CTNND2: variants seen among roughly 807,000 people sequenced by gnomAD.
CTNND2 encodes the protein catenin delta-2.
In CTNND2, 22 loss-of-function variants were observed where a neutral mutation model predicts 144.4. The ratio of observed to expected loss-of-function variants is 0.15; its 90% CI spans 0.11 to 0.22. The LOEUF is 0.22. CTNND2 is among the 10% of genes least tolerant of loss of function. CTNND2 has a pLI of 1.00. For missense variants in CTNND2, 1,353 were observed against 1,618.8 expected (o/e 0.84, Z 2.82); for synonymous variants, 751 against 695.6 (o/e 1.08, Z -1.25).
chr5:11,669,631 T>C (rs921027444), intron 2 of CTNND2, among the ~76,000 whole-genome samples: 105 of 152,154 alleles, frequency 6.9e-4, no homozygotes, highest in African/African-American at 2.5e-3. Context: ...TCATTTTTTA[T>C]TGTGTCTATT....
chr5:11,627,651 A>C (rs1251426693), intron 2 of CTNND2, among the ~76,000 whole-genome samples: 1 of 151,952 alleles, frequency 6.6e-6, no homozygotes, highest in Non-Finnish European at 1.5e-5. Context: ...CAACCTTTTC[A>C]GCACCAGGGA....
At chr5:11,329,426 A>T (rs1752858071) in intron 9 of CTNND2, among the ~76,000 whole-genome samples, 1 of 152,202 alleles carries the variant, frequency 6.6e-6, no homozygotes, top group Non-Finnish European at 1.5e-5. Flanking sequence ...AAGTGCTGGG[A>T]TTATAGGTGG....
intron 3 of CTNND2, among the ~76,000 whole-genome samples, chr5:11,524,644 C>T (rs571134815): frequency 3.7e-4 from 56 of 152,248 alleles, no homozygotes; most frequent in South Asian, 1.7e-3. Flanking sequence ...TGTCTGTTCC[C>T]CTCCAGGAGT....
intron 3 of CTNND2, among the ~76,000 whole-genome samples, chr5:11,551,104 C>T (rs1581474419): frequency 6.6e-6 from 1 of 152,152 alleles, no homozygotes; most frequent in East Asian, 1.9e-4. Context: ...CACTCTATTG[C>T]CTACTCAGCA....
At chr5:11,307,529 T>C (rs1750371865) in intron 9 of CTNND2, among the ~76,000 whole-genome samples, 1 of 152,162 alleles carries the variant, frequency 6.6e-6, no homozygotes, top group Non-Finnish European at 1.5e-5. Context: ...GCCTATATTT[T>C]AAAATAACCT....
At chr5:11,374,810 A>G (rs1581047475) in intron 7 of CTNND2, among the ~76,000 whole-genome samples, 1 of 119,094 alleles carries the variant, frequency 8.4e-6, no homozygotes, top group South Asian at 2.7e-4. Flanking sequence ...TTTTTGTTAC[A>G]TCAAGATGCA....
At chr5:11,733,621 CTTAG>C (rs1395348429) in intron 1 of CTNND2, among the ~76,000 whole-genome samples, 1 of 152,136 alleles carries the variant, frequency 6.6e-6, no homozygotes, top group African/African-American at 2.4e-5. Context: ...ACATAAGAAG[CTTAG>C]TTAGTATTGT....
chr5:11,886,021 C>CA (rs980077805), intron 1 of CTNND2, among the ~76,000 whole-genome samples: 2 of 151,644 alleles, frequency 1.3e-5, no homozygotes, highest in African/African-American at 2.4e-5. Context: ...CTATGGAATA[C>CA]AAAAAAGCAG....
chr5:11,812,276 T>C (rs1374533784), intron 1 of CTNND2, among the ~76,000 whole-genome samples: 1 of 152,222 alleles, frequency 6.6e-6, no homozygotes, highest in East Asian at 1.9e-4. Flanking sequence ...ATTTTTAATC[T>C]TAAGATGAAT....
intron 2 of CTNND2, among the ~76,000 whole-genome samples, chr5:11,714,578 T>C (rs1231548852): frequency 6.6e-6 from 1 of 152,150 alleles, no homozygotes. Context: ...CATTTTAACT[T>C]GAGGATGATA....
intron 2 of CTNND2, among the ~76,000 whole-genome samples, chr5:11,663,414 A>G (rs1478049754): frequency 6.6e-6 from 1 of 152,196 alleles, no homozygotes; most frequent in South Asian, 2.1e-4. Flanking sequence ...ATAGAGTTAT[A>G]TAACTATTAA....
At chr5:11,562,817 T>C (rs781190735) in intron 3 of CTNND2, among the ~76,000 whole-genome samples, 7 of 152,312 alleles carry the variant, frequency 4.6e-5, no homozygotes, top group Middle Eastern at 3.4e-3. Flanking sequence ...TCAAATCAAA[T>C]GAGGAAAGAG....
intron 2 of CTNND2, among the ~76,000 whole-genome samples, chr5:11,684,504 A>G (rs999460298): frequency 2.0e-5 from 3 of 152,250 alleles, no homozygotes; most frequent in African/African-American, 4.8e-5. Context: ...AAATTAGGGT[A>G]GAACATTCAA....
chr5:11,325,504 A>T (rs1413540294), intron 9 of CTNND2, among the ~76,000 whole-genome samples: 2 of 152,184 alleles, frequency 1.3e-5, no homozygotes, highest in African/African-American at 4.8e-5. Flanking sequence ...TCTCTTAATG[A>T]GTGGAGACAG....
chr5:11,110,454 C>T (rs1580313855), intron 14 of CTNND2, among the ~76,000 whole-genome samples: 1 of 152,188 alleles, frequency 6.6e-6, no homozygotes, highest in East Asian at 1.9e-4. Context: ...GGATCTTTGG[C>T]CTCCCTCTGT....
intron 2 of CTNND2, among the ~76,000 whole-genome samples, chr5:11,725,753 A>G (rs1786982010): frequency 6.6e-6 from 1 of 152,100 alleles, no homozygotes; most frequent in Non-Finnish European, 1.5e-5. Context: ...ATAGAAATAC[A>G]TGTTTTACAA....
At chr5:11,352,247 A>G (rs1352303881) in intron 8 of CTNND2, among the ~76,000 whole-genome samples, 2 of 152,240 alleles carry the variant, frequency 1.3e-5, no homozygotes, top group Non-Finnish European at 2.9e-5. Context: ...TGAAAACACC[A>G]GAACAGGCCA....
At chr5:11,634,956 G>A (rs2126481379) in intron 2 of CTNND2, among the ~76,000 whole-genome samples, 1 of 152,096 alleles carries the variant, frequency 6.6e-6, no homozygotes, top group East Asian at 1.9e-4. Context: ...GTCATCTAGT[G>A]GGCAGAAGAT....
chr5:11,677,678 T>C (rs1450922278), intron 2 of CTNND2, among the ~76,000 whole-genome samples: 1 of 152,172 alleles, frequency 6.6e-6, no homozygotes, highest in Non-Finnish European at 1.5e-5. Context: ...GGGTACACAA[T>C]GAAAGCCCAT....
Sources: allele counts gnomAD v4.1 joint callset (sites outside exome capture counted in the v4.1 genomes callset), GRCh38; gene constraint gnomAD v4.1.1; transcripts MANE v1.5; gene names NCBI Gene and HGNC (gene_info 2026-07-23, HGNC 2026-07-21).